The following CMSS1 variants were observed in gnomAD, a reference collection of about 807,000 sequenced individuals.
CMSS1 encodes protein CMSS1.
CMSS1 carries 33 observed loss-of-function variants against 43.5 expected under a neutral mutation model. The ratio of observed to expected loss-of-function variants is 0.76; its 90% CI spans 0.57 to 1.01. The LOEUF (loss-of-function observed/expected upper bound fraction) is 1.01. CMSS1 is among the 50% of genes least tolerant of loss of function. The pLI is 0.00. For synonymous variants in CMSS1, 115 were observed against 117.2 expected, an observed-to-expected ratio of 0.98 and a Z score of 0.12; for missense variants, 313 against 326.4, an observed-to-expected ratio of 0.96 and a Z score of 0.32.
intron 1 of CMSS1, among the ~76,000 whole-genome samples, chr3:100,017,705 C>T (rs992200821): frequency 6.6e-6 from 1 of 150,608 alleles, no homozygotes; most frequent in Non-Finnish European, 1.5e-5. Context: ...GGGGAGGATC[C>T]CTTGAGCCCA....
Position 100,091,299 on chromosome 3 carries a change from A to G in CMSS1, c.65-55674A>G, listed in dbSNP as rs570651948. On this transcript the variant is annotated intron_variant, in intron 1 of 9. Transcript: ENST00000421999. ...GACTCCGTCTCAAAAAAAAAAAAAA[A>G]AAAGAAAAAAGAAACCCTGCCTTTA... Among the ~76,000 whole-genome samples the G allele has an allele frequency of 5.3e-5, 8 of 151,920 alleles. No homozygotes were observed. The East Asian group carries it at 5.8e-4, about 11-fold the overall frequency.
chr3:100,006,645 C>G (rs1709995422), intron 1 of CMSS1, among the ~76,000 whole-genome samples: 1 of 149,612 alleles, frequency 6.7e-6, no homozygotes, highest in African/African-American at 2.5e-5. Flanking sequence ...TATCTTACAT[C>G]TTTTCTTTCC....
At chr3:100,139,555 GTGTGTGTGTGTA>G (rs1169466501) in intron 1 of CMSS1, among the ~76,000 whole-genome samples, 5 of 148,416 alleles carry the variant, frequency 3.4e-5, no homozygotes. Context: ...GTGTGTGTGT[GTGTGTGTGTGTA>G]TGTATATATA....
rs140949246 is a variant in CMSS1, at chr3:100,055,208, G to A, written c.65-91765G>A. 4.6e-3 allele frequency among the ~76,000 whole-genome samples: 707 copies of A among 152,268 alleles called. 2 individuals carry two copies. Among genetic ancestry groups the A allele is most frequent in the South Asian group, 7.1e-3 (34 of 4,816 alleles). Reference sequence around the variant, plus strand: ...TACTCTTATCAATTTCTTCGTGTATGCATAGGATTTCCAGTACAAGAGTAT... The same window carrying A: ...TACTCTTATCAATTTCTTCGTGTATACATAGGATTTCCAGTACAAGAGTAT... On this transcript the variant is annotated intron_variant, in intron 1 of 9. Coordinates refer to ENST00000421999, the MANE Select transcript of CMSS1 (RefSeq NM_032359.4).
chr3:100,156,305 T>TC (rs1260214377), intron 2 of CMSS1, among the ~76,000 whole-genome samples: 5 of 131,438 alleles, frequency 3.8e-5, no homozygotes, highest in African/African-American at 1.4e-4. Flanking sequence ...TTTTCTTTTT[T>TC]TTTTTTTTTT....
chr3:100,057,337 T>C (rs573965989), intron 1 of CMSS1, among the ~76,000 whole-genome samples: 12 of 152,184 alleles, frequency 7.9e-5, no homozygotes, highest in Non-Finnish European at 1.6e-4. Flanking sequence ...AGGCCAAGCT[T>C]CTTGCCCGGC....
chr3:100,156,643 T>C (rs956959454), intron 2 of CMSS1, among the ~76,000 whole-genome samples: 8 of 150,460 alleles, frequency 5.3e-5, no homozygotes, highest in Non-Finnish European at 1.2e-4. Context: ...TGAGACGGAG[T>C]CTCGCTCTGT....
chr3:100,018,839 C>G (rs1710420816), intron 1 of CMSS1, among the ~76,000 whole-genome samples: 1 of 151,204 alleles, frequency 6.6e-6, no homozygotes, highest in Non-Finnish European at 1.5e-5. Context: ...TAAGACTGTC[C>G]TACAACTCAA....
At chr3:100,154,528 T>C (rs1372022946) in intron 2 of CMSS1, among the ~76,000 whole-genome samples, 1 of 152,222 alleles carries the variant, frequency 6.6e-6, no homozygotes, top group Non-Finnish European at 1.5e-5. Flanking sequence ...TTTTGGTGAG[T>C]GTGTATTGAA....
At chr3:99,832,619 G>T (rs1373686590) in intron 1 of CMSS1, among the ~76,000 whole-genome samples, 1 of 145,362 alleles carries the variant, frequency 6.9e-6, no homozygotes, top group Non-Finnish European at 1.5e-5. Flanking sequence ...GAGGCGGGCG[G>T]ATCACTTGAG....
chr3:100,039,377 C>T (rs941452245), intron 1 of CMSS1, among the ~76,000 whole-genome samples: 8 of 152,080 alleles, frequency 5.3e-5, no homozygotes, highest in Non-Finnish European at 7.4e-5. Flanking sequence ...GAAATATAAT[C>T]TATGATTATA....
At chr3:99,984,180 G>A (rs1709263546) in intron 1 of CMSS1, among the ~76,000 whole-genome samples, 2 of 152,172 alleles carry the variant, frequency 1.3e-5, no homozygotes, top group South Asian at 4.1e-4. Flanking sequence ...TTTTTAAAAA[G>A]TGAAATTGGA....
rs571637827 is a variant in CMSS1, at chr3:99,941,901, G to A, written c.64+123858G>A. ...TTGATCAACAATGCAATAGCATGTTGCCTTGATAGCAGCTGGTTTGATTAT... is the reference window on the plus strand; with the variant it reads ...TTGATCAACAATGCAATAGCATGTTACCTTGATAGCAGCTGGTTTGATTAT... On this transcript the variant is annotated intron_variant, in intron 1 of 9. Transcript: ENST00000421999. Among the ~76,000 whole-genome samples, 374 of 152,316 alleles carry A rather than the reference G, an allele frequency of 2.5e-3. 4 individuals carry two copies. Among genetic ancestry groups the A allele is most frequent in the African/African-American group, 8.2e-3 (343 of 41,576 alleles).
chr3:100,047,415 T>C (rs755111031), intron 1 of CMSS1, among the ~76,000 whole-genome samples: 1 of 152,230 alleles, frequency 6.6e-6, no homozygotes, highest in Non-Finnish European at 1.5e-5. Flanking sequence ...TGGAAAGCTT[T>C]TATGACTTAA....
intron 1 of CMSS1, among the ~76,000 whole-genome samples, chr3:100,121,818 G>C (rs2066624038): frequency 6.6e-6 from 1 of 152,132 alleles, no homozygotes. Flanking sequence ...TGTTGATGAA[G>C]GATGCTGGGA....
At chr3:100,027,813 A>T (rs564600729) in intron 1 of CMSS1, among the ~76,000 whole-genome samples, 2 of 152,308 alleles carry the variant, frequency 1.3e-5, no homozygotes, top group South Asian at 4.1e-4. Flanking sequence ...CTCAGAGGGA[A>T]AAGCATGTGT....
intron 1 of CMSS1, among the ~76,000 whole-genome samples, chr3:99,888,874 C>G (rs1450540044): frequency 6.6e-6 from 1 of 152,130 alleles, no homozygotes; most frequent in East Asian, 1.9e-4. Flanking sequence ...GGGCTTTCAT[C>G]TCTTTACTTA....
At chr3:99,848,651 C>T in intron 1 of CMSS1, 3 of 1,614,138 alleles carry the variant, frequency 1.9e-6, no homozygotes, top group Non-Finnish European at 2.5e-6. Context: ...CTAGCTGAAC[C>T]AGTCACAGCC....
chr3:100,168,041 A>C (rs2067079397), intron 6 of CMSS1, among the ~76,000 whole-genome samples: 1 of 152,254 alleles, frequency 6.6e-6, no homozygotes, highest in East Asian at 1.9e-4. Context: ...TAAGTTATGT[A>C]AGGAAAAAAT....
Sources: allele counts gnomAD v4.1 joint callset (sites outside exome capture counted in the v4.1 genomes callset), GRCh38; gene constraint gnomAD v4.1.1; transcripts MANE v1.5; gene names NCBI Gene and HGNC (gene_info 2026-07-23, HGNC 2026-07-21).